Variants in ST18 observed in about 807,000 individuals in gnomAD.
The protein encoded by ST18 is suppression of tumorigenicity 18 protein.
In ST18, 50 loss-of-function variants were observed where a neutral mutation model predicts 110.0. The ratio of observed to expected loss-of-function variants is 0.45; its 90% CI spans 0.36 to 0.58. ST18 has a LOEUF of 0.58. ST18 is among the 20% of genes least tolerant of loss of function. The pLI, the probability that ST18 is intolerant of heterozygous loss-of-function variation, is 0.00. For missense variants in ST18, 1,306 were observed against 1,280.1 expected (o/e 1.02, Z -0.31); for synonymous variants, 461 against 452.4 (o/e 1.02, Z -0.24).
chr8:52,177,049 C>T (rs2067209805), intron 9 of ST18, among the ~76,000 whole-genome samples: 1 of 152,174 alleles, frequency 6.6e-6, no homozygotes, highest in Non-Finnish European at 1.5e-5. Context: ...ATGACTGTGA[C>T]ATATTTCCCC....
chr8:52,196,270 C>T (rs530754991), intron 8 of ST18, among the ~76,000 whole-genome samples: 2 of 152,244 alleles, frequency 1.3e-5, no homozygotes, highest in South Asian at 4.1e-4. Context: ...CTCAGTTTTT[C>T]CCTGAGAGAA....
chr8:52,401,427 C>G (rs1016349221), intron 2 of ST18, among the ~76,000 whole-genome samples: 1 of 152,126 alleles, frequency 6.6e-6, no homozygotes, highest in Admixed American at 6.5e-5. Flanking sequence ...ATGCCTTTCC[C>G]CTTCTTCTCC....
chr8:52,324,589 T>A (rs983961638), intron 2 of ST18, among the ~76,000 whole-genome samples: 1 of 152,200 alleles, frequency 6.6e-6, no homozygotes, highest in Non-Finnish European at 1.5e-5. Context: ...GCAGGAGCTA[T>A]GATTGTACCA....
At chr8:52,123,194 A>G (rs956673701) in intron 23 of ST18, among the ~76,000 whole-genome samples, 1 of 152,220 alleles carries the variant, frequency 6.6e-6, no homozygotes, top group Admixed American at 6.5e-5. Flanking sequence ...TTTTTGATAT[A>G]GACCTTCCAT....
chr8:52,372,946 A>G (rs1425896146), intron 2 of ST18, among the ~76,000 whole-genome samples: 13 of 152,268 alleles, frequency 8.5e-5, no homozygotes, highest in Non-Finnish European at 8.8e-5. Flanking sequence ...ATAAAAAATT[A>G]TAAGTATTTT....
intron 2 of ST18, among the ~76,000 whole-genome samples, chr8:52,388,072 C>T (rs1014045622): frequency 2.0e-5 from 3 of 150,962 alleles, no homozygotes; most frequent in East Asian, 2.0e-4. Flanking sequence ...AATATAGATA[C>T]AGTCAGTTTT....
At chr8:52,337,250 T>A (rs1812557484) in intron 2 of ST18, among the ~76,000 whole-genome samples, 1 of 152,232 alleles carries the variant, frequency 6.6e-6, no homozygotes, top group East Asian at 1.9e-4. Flanking sequence ...AAGATGGGGC[T>A]GAGAAATACA....
chr8:52,221,130 TCTATCTAC>T (rs2086567295), intron 4 of ST18, among the ~76,000 whole-genome samples: 1 of 137,692 alleles, frequency 7.3e-6, no homozygotes, highest in Non-Finnish European at 1.6e-5. Flanking sequence ...TATCTATCTA[TCTATCTAC>T]CTACCACTCT....
intron 9 of ST18, 114 bp from the exon 10 acceptor site, chr8:52,172,697 A>G (rs997679908): frequency 1.4e-6 from 1 of 723,794 alleles, no homozygotes; most frequent in African/African-American, 1.8e-5. Flanking sequence ...GTACATACAC[A>G]TACATATATG....
intron 16 of ST18, among the ~76,000 whole-genome samples, chr8:52,149,248 T>C (rs995132655): frequency 3.3e-5 from 5 of 152,232 alleles, no homozygotes; most frequent in African/African-American, 1.2e-4. Context: ...AACATTTCGA[T>C]CCAATGCCTT....
chr8:52,116,302 G>A lies in ST18; in HGVS notation c.2976C>T (p.Ser992=). Residue 992 remains serine (S), a synonymous_variant, in exon 25 of 26, where the codon AGC becomes AGT. Coordinates refer to ENST00000689386, the MANE Select transcript of ST18 (RefSeq NM_001352837.2). ...LAGLSQALIS[S]LADIQLPQMG... is the part of the protein sequence containing the mutation. ...TCTGTGGAAGCTGGATGTCAGCAAG[G>A]CTTGAAATGAGAGCTTGGCTTAGAC... 6.2e-7 allele frequency: 1 copy of A among 1,613,872 alleles called. No homozygotes were observed. Among genetic ancestry groups the A allele is most frequent in the Non-Finnish European group, 8.5e-7 (1 of 1,179,908 alleles).
At chr8:52,186,481 A>G (rs144846905) in intron 8 of ST18, among the ~76,000 whole-genome samples, 30 of 152,310 alleles carry the variant, frequency 2.0e-4, no homozygotes, top group African/African-American at 7.2e-4. Flanking sequence ...GTAAATCGGT[A>G]TGGCTGCTTT....
chr8:52,133,163 A>G (rs1248632204), intron 20 of ST18, 26 bp from the exon 21 acceptor site: 5 of 1,614,114 alleles, frequency 3.1e-6, no homozygotes, highest in Non-Finnish European at 3.4e-6. Context: ...GACAAAGAAC[A>G]AAGCAAAATT....
intron 2 of ST18, among the ~76,000 whole-genome samples, chr8:52,371,295 A>G (rs969852419): frequency 5.3e-5 from 8 of 152,248 alleles, no homozygotes; most frequent in African/African-American, 1.9e-4. Flanking sequence ...GTCCTAATCA[A>G]AGTTCTGAAA....
intron 9 of ST18, among the ~76,000 whole-genome samples, chr8:52,175,248 A>G (rs1020913517): frequency 6.6e-6 from 1 of 152,142 alleles, no homozygotes; most frequent in Non-Finnish European, 1.5e-5. Flanking sequence ...CCCAGCTACT[A>G]TTTTAGAAGG....
chr8:52,387,359 A>C (rs550529282), intron 2 of ST18, among the ~76,000 whole-genome samples: 1 of 152,298 alleles, frequency 6.6e-6, no homozygotes, highest in East Asian at 1.9e-4. Flanking sequence ...AGGATTTCAA[A>C]AAGAGTCACT....
chr8:52,191,800 G>A (rs2074587978), intron 8 of ST18, among the ~76,000 whole-genome samples: 1 of 152,094 alleles, frequency 6.6e-6, no homozygotes, highest in Admixed American at 6.5e-5. Context: ...AAAATATGCG[G>A]GCCCATGGGC....
rs78983276 is a variant in ST18 at position 52,326,527 on chromosome 8, A to G, written c.-465+82801T>C. ...ATTAAAATGGCCACAAGTGAGCTAT[A>G]TATTTAGGCAGGTGAGGCTATAGGC... On this transcript the variant is annotated intron_variant, in intron 2 of 25. Transcript: ENST00000689386. Among the ~76,000 whole-genome samples the G allele has an allele frequency of 1.6e-3, 242 of 152,340 alleles. 1 individual carries two copies. Among genetic ancestry groups the G allele is most frequent in the African/African-American group, 5.4e-3 (225 of 41,578 alleles).
chr8:52,263,605 G>GTT (rs1198571205), intron 2 of ST18, among the ~76,000 whole-genome samples: 13 of 124,918 alleles, frequency 1.0e-4, no homozygotes, highest in Non-Finnish European at 1.8e-4. Context: ...TAGTTTTTTT[G>GTT]TTTTGTTTTT....
Sources: allele counts gnomAD v4.1 joint callset (sites outside exome capture counted in the v4.1 genomes callset), GRCh38; gene constraint gnomAD v4.1.1; transcripts MANE v1.5; gene names NCBI Gene and HGNC (gene_info 2026-07-23, HGNC 2026-07-21).